INSR: variants seen among roughly 807,000 people sequenced by gnomAD.
INSR encodes insulin receptor.
INSR carries 67 observed loss-of-function variants against 142.6 expected under a neutral mutation model. The observed-to-expected ratio is 0.47, with a 90% confidence interval of 0.39 to 0.58. The LOEUF is 0.58. Among genes scored for constraint, INSR ranks in the 20% least tolerant of loss-of-function variants. The probability of loss-of-function intolerance (pLI) is 0.00; values close to 1 mark genes in which losing one functional copy is unlikely to be tolerated. For synonymous variants in INSR, 756 were observed against 743.1 expected (o/e 1.02, Z -0.28); for missense variants, 1,248 against 1,833.2 (o/e 0.68, Z 5.83).
rs879507351 is a variant in INSR, at chr19:7,192,798, C to G, written c.653-8161G>C. On this transcript the variant is annotated intron_variant, in intron 2 of 21. Coordinates refer to ENST00000302850, the MANE Select transcript of INSR (RefSeq NM_000208.4). The surrounding 1 kb of genome is among the most constrained non-coding windows in gnomAD (Gnocchi z 4.2). ...AATTTTCCCCCAGTTCTCCCTAAAC[C>G]TCCCAAAAGCTCCTGGGTGAGCACA... Among the ~76,000 whole-genome samples, 1 of 152,182 alleles carries G rather than the reference C, an allele frequency of 6.6e-6. No individual in the cohort carries two copies. Among genetic ancestry groups the G allele is most frequent in the Non-Finnish European group, 1.5e-5 (1 of 68,038 alleles).
At chr19:7,194,024 CT>C (rs1974671243) in intron 2 of INSR, among the ~76,000 whole-genome samples, 1 of 152,168 alleles carries the variant, frequency 6.6e-6, no homozygotes, top group African/African-American at 2.4e-5. Context: ...AAAGCCTCTG[CT>C]AGACAGTAAA....
At chr19:7,275,537 C>T (rs1054756465) in intron 1 of INSR, among the ~76,000 whole-genome samples, 4 of 151,894 alleles carry the variant, frequency 2.6e-5, no homozygotes, top group African/African-American at 4.8e-5. Context: ...AATCCCAGCA[C>T]TTTGGGAGGC....
At chr19:7,189,011 T>C (rs748593333) in intron 2 of INSR, among the ~76,000 whole-genome samples, 4 of 152,104 alleles carry the variant, frequency 2.6e-5, no homozygotes, top group East Asian at 1.9e-4. Flanking sequence ...TTAGGCTTGA[T>C]AGAAATTAAC....
chr19:7,282,648 T>C (rs1442071634), intron 1 of INSR, among the ~76,000 whole-genome samples: 3 of 141,264 alleles, frequency 2.1e-5, no homozygotes, highest in Admixed American at 7.0e-5. Flanking sequence ...TGACACTGCA[T>C]TCCAGCCTGG....
chr19:7,216,888 T>TC lies in INSR; in HGVS notation c.653-32252_653-32251insG, dbSNP rs1420912731. Among the ~76,000 whole-genome samples the TC allele has an allele frequency of 2.6e-3, 402 of 152,252 alleles. 4 individuals are homozygous for TC. The highest frequency in any genetic ancestry group is 9.1e-3 in the African/African-American group (379 of 41,534). On this transcript the variant is annotated intron_variant, in intron 2 of 21. Transcript: ENST00000302850. The surrounding 1 kb of genome is among the most constrained non-coding windows in gnomAD (Gnocchi z 4.2). ...GTGCAATGGTGCAATCATGGCTCAC[T>TC]GCAGCCTCGAACTCCTGGGCTCAAG...
chr19:7,249,372 T>C (rs543890118), intron 2 of INSR, among the ~76,000 whole-genome samples: 159 of 152,280 alleles, frequency 1.0e-3, no homozygotes, highest in African/African-American at 3.6e-3. Flanking sequence ...TAAAAATAAT[T>C]TTCTTAGCAA....
At chr19:7,264,026 G>A (rs1170938895) in intron 2 of INSR, among the ~76,000 whole-genome samples, 1 of 152,144 alleles carries the variant, frequency 6.6e-6, no homozygotes, top group Non-Finnish European at 1.5e-5. Context: ...AAAATTAGCT[G>A]GGTGTGGTGG....
chr19:7,242,963 G>A (rs1976405142), intron 2 of INSR, among the ~76,000 whole-genome samples: 1 of 151,940 alleles, frequency 6.6e-6, no homozygotes, highest in Non-Finnish European at 1.5e-5. Flanking sequence ...TTGGGAAGCG[G>A]GACAGATTCT....
chr19:7,253,295 G>A (rs949583547), intron 2 of INSR, among the ~76,000 whole-genome samples: 1 of 151,910 alleles, frequency 6.6e-6, no homozygotes, highest in Admixed American at 6.6e-5. Context: ...CTGGAGTGCA[G>A]TGACGTGATC....
intron 2 of INSR, among the ~76,000 whole-genome samples, chr19:7,207,581 C>CAAA (rs59695609): frequency 6.6e-6 from 1 of 150,782 alleles, no homozygotes; most frequent in Admixed American, 6.6e-5. Context: ...GCAACCATCT[C>CAAA]AAAAAACAAC....
chr19:7,251,298 C>T (rs145145748), intron 2 of INSR, among the ~76,000 whole-genome samples: 4 of 152,088 alleles, frequency 2.6e-5, no homozygotes, highest in Admixed American at 6.6e-5. Flanking sequence ...TGCTCTGTCA[C>T]GCAGGCTGGA....
chr19:7,137,485 C>T (rs1015146501), intron 13 of INSR, among the ~76,000 whole-genome samples: 1 of 151,900 alleles, frequency 6.6e-6, no homozygotes, highest in East Asian at 1.9e-4. Flanking sequence ...TGCCAGGAGC[C>T]GTTAAGATGC....
At chr19:7,235,061 A>AAAT (rs35762925) in intron 2 of INSR, among the ~76,000 whole-genome samples, 45,334 of 150,292 alleles carry the variant, frequency 0.3, 7,460 homozygotes, top group African/African-American at 0.43. Context: ...CCGTCTCAAA[A>AAAT]AATAATAATA....
Position 7,143,029 on chromosome 19 carries a change from C to T in INSR, c.2329G>A (p.Val777Met), listed in dbSNP as rs745546295. 1 of 1,614,202 alleles carries T rather than the reference C, an allele frequency of 6.2e-7. No individual in the cohort carries two copies. The highest frequency in any genetic ancestry group is 8.5e-7 in the Non-Finnish European group (1 of 1,180,036). Residue 777 changes from valine (V) to methionine (M), a missense_variant, in exon 12 of 22, where the codon GTG becomes ATG. This residue lies in a region of INSR where 1,069 missense variants were observed against 1,654.0 expected (regional missense o/e 0.65). Transcript: ENST00000302850. ...GAGGAAGTGTTGGGGAAAGCTGCCA[C>T]CGTGGGCACGGCCACCGTCACATTC... ...VGNVTVAVPTVAAFPNTSSTS... is the reference protein window; with the variant it reads ...VGNVTVAVPTMAAFPNTSSTS...
rs57179051 is a variant in INSR, at chr19:7,229,196, A to AATGGATGGATGG, written c.652+38137_652+38148dup. Among the ~76,000 whole-genome samples the AATGGATGGATGG allele has an allele frequency of 6.0e-4, 86 of 144,524 alleles. No individual in the cohort carries two copies. In the Middle Eastern group the frequency reaches 0.014, roughly 24 times the overall value. The allele number at this position is 144,524 out of a possible 152,430, so 94.8% of individuals were successfully genotyped here. On this transcript the variant is annotated intron_variant, in intron 2 of 21. Coordinates refer to ENST00000302850, the MANE Select transcript of INSR (RefSeq NM_000208.4). ...TGATGGATGAATGGGTGAGTGGATG[A>AATGGATGGATGG]ATGGATGGATGGATGGATGGATAAT...
intron 2 of INSR, among the ~76,000 whole-genome samples, chr19:7,256,374 G>A (rs888377350): frequency 4.6e-5 from 7 of 152,226 alleles, no homozygotes; most frequent in South Asian, 2.1e-4. Flanking sequence ...ACTTGAACCC[G>A]GGAGGCAGGG....
At chr19:7,175,949 G>T (rs1371429434) in intron 3 of INSR, among the ~76,000 whole-genome samples, 1 of 152,048 alleles carries the variant, frequency 6.6e-6, no homozygotes, top group East Asian at 1.9e-4. Context: ...TTACCCTATG[G>T]TTGCAGGTCC....
intron 21 of INSR, among the ~76,000 whole-genome samples, chr19:7,118,263 G>A (rs895747266): frequency 1.1e-4 from 16 of 151,768 alleles, no homozygotes; most frequent in Non-Finnish European, 2.2e-4. Context: ...ATGTACATAT[G>A]CATATATATT....
rs1223158401 is a variant in INSR, at chr19:7,250,203, AAAAG to A, written c.652+17138_652+17141del. On this transcript the variant is annotated intron_variant, in intron 2 of 21. Coordinates refer to ENST00000302850, the MANE Select transcript of INSR (RefSeq NM_000208.4). ...AGAGAGGGAAAGGAAAGGAAAGGAG[AAAAG>A]AAAGAGAGAGGGAGGGAAAAGAAGG... is the stretch of plus-strand genomic sequence containing the variant. Among the ~76,000 whole-genome samples, 3 of 149,652 alleles carry A rather than the reference AAAAG, an allele frequency of 2.0e-5. No homozygotes were observed. In the East Asian group the frequency reaches 5.9e-4, roughly 30 times the overall value.
Sources: allele counts gnomAD v4.1 joint callset (sites outside exome capture counted in the v4.1 genomes callset), GRCh38; gene constraint gnomAD v4.1.1; regional missense constraint gnomAD v4.1.1; non-coding constraint Gnocchi (gnomAD v3.1); transcripts MANE v1.5; gene names NCBI Gene and HGNC (gene_info 2026-07-23, HGNC 2026-07-21).